The following IGBP1C variants were observed in gnomAD, a reference collection of about 807,000 sequenced individuals.
IGBP1C encodes the protein IGBP1 family member C.
the IGBP1C span, among the ~76,000 whole-genome samples, chr17:58,690,041 G>A: frequency 6.6e-6 from 1 of 151,852 alleles, no homozygotes; most frequent in Non-Finnish European, 1.5e-5. Context: ...AGTAGAGACG[G>A]GGTTTCATCA....
chr17:58,662,083 T>A, the IGBP1C span, among the ~76,000 whole-genome samples: 1 of 151,832 alleles, frequency 6.6e-6, no homozygotes, highest in Non-Finnish European at 1.5e-5. Flanking sequence ...TGTCTATATC[T>A]GTGTATGTAT....
At chr17:58,679,414 G>A in the IGBP1C span, 1 of 149,864 alleles carries the variant, frequency 6.7e-6, no homozygotes, top group South Asian at 2.1e-4. Flanking sequence ...AGAAAAAAAT[G>A]ACCATTAGAA....
the IGBP1C span, among the ~76,000 whole-genome samples, chr17:58,666,251 G>A: frequency 3.3e-5 from 5 of 151,778 alleles, no homozygotes; most frequent in African/African-American, 1.2e-4. Flanking sequence ...GGGAAGCTGA[G>A]ACACGAGAAT....
At chr17:58,670,279 G>A in the IGBP1C span, among the ~76,000 whole-genome samples, 2 of 152,132 alleles carry the variant, frequency 1.3e-5, no homozygotes, top group Non-Finnish European at 2.9e-5. Context: ...TGTCACTGCT[G>A]GAGTCTCAGG....
the IGBP1C span, among the ~76,000 whole-genome samples, chr17:58,680,366 C>A: frequency 6.6e-6 from 1 of 152,174 alleles, no homozygotes; most frequent in African/African-American, 2.4e-5. Context: ...GTCATGCTTA[C>A]ATACAAAATG....
At chr17:58,668,977 G>A in the IGBP1C span, among the ~76,000 whole-genome samples, 1 of 152,138 alleles carries the variant, frequency 6.6e-6, no homozygotes, top group Non-Finnish European at 1.5e-5. Context: ...CACTGTTCTA[G>A]GTAGGCATAA....
chr17:58,682,102 C>G, the IGBP1C span, among the ~76,000 whole-genome samples: 1 of 151,948 alleles, frequency 6.6e-6, no homozygotes, highest in Non-Finnish European at 1.5e-5. Flanking sequence ...GCACACACTA[C>G]CATGTCTGGC....
At chr17:58,677,039 A>T in the IGBP1C span, among the ~76,000 whole-genome samples, 1 of 150,658 alleles carries the variant, frequency 6.6e-6, no homozygotes, top group Non-Finnish European at 1.5e-5. Context: ...GAATCGCTTG[A>T]ACTCAGGAGG....
chr17:58,674,444 C>T, the IGBP1C span, among the ~76,000 whole-genome samples: 2 of 151,994 alleles, frequency 1.3e-5, no homozygotes, highest in African/African-American at 4.8e-5. Flanking sequence ...CCAAGGTGGA[C>T]AGATCACTTG....
the IGBP1C span, among the ~76,000 whole-genome samples, chr17:58,685,098 T>C: frequency 6.6e-6 from 1 of 152,168 alleles, no homozygotes; most frequent in African/African-American, 2.4e-5. Context: ...TATAATTTTG[T>C]ATAGACCTTC....
the IGBP1C span, among the ~76,000 whole-genome samples, chr17:58,679,971 A>G: frequency 6.6e-6 from 1 of 152,156 alleles, no homozygotes; most frequent in Admixed American, 6.6e-5. Flanking sequence ...GCTTGGTGAC[A>G]CGACTGAAAT....
chr17:58,669,536 C>A, the IGBP1C span, among the ~76,000 whole-genome samples: 1 of 151,656 alleles, frequency 6.6e-6, no homozygotes, highest in Non-Finnish European at 1.5e-5. Context: ...GAGTTCGAAA[C>A]CAGCCTGACC....
At chr17:58,686,498 C>A in the IGBP1C span, among the ~76,000 whole-genome samples, 1 of 152,044 alleles carries the variant, frequency 6.6e-6, no homozygotes, top group African/African-American at 2.4e-5. Flanking sequence ...TGCATCTGGA[C>A]GGCAGAGGGT....
chr17:58,670,649 T>A, the IGBP1C span, among the ~76,000 whole-genome samples: 11 of 151,536 alleles, frequency 7.3e-5, no homozygotes, highest in Non-Finnish European at 1.5e-4. Context: ...GGCAGGCACC[T>A]GTAATCCCAG....
At chr17:58,668,542 T>C in the IGBP1C span, among the ~76,000 whole-genome samples, 1 of 152,170 alleles carries the variant, frequency 6.6e-6, no homozygotes, top group Admixed American at 6.5e-5. Flanking sequence ...TTCACACACC[T>C]TAACTCATTT....
the IGBP1C span, chr17:58,660,782 T>C: frequency 1.3e-6 from 1 of 781,340 alleles, no homozygotes; most frequent in East Asian, 2.4e-5. Context: ...ATGTTGATCA[T>C]ACCAGTCACT....
At chr17:58,687,532 C>T in the IGBP1C span, among the ~76,000 whole-genome samples, 1 of 152,042 alleles carries the variant, frequency 6.6e-6, no homozygotes, top group African/African-American at 2.4e-5. Flanking sequence ...GACAGGGTTT[C>T]ACCATGTTGG....
the IGBP1C span, among the ~76,000 whole-genome samples, chr17:58,677,202 G>A: frequency 6.6e-6 from 1 of 151,954 alleles, no homozygotes; most frequent in Admixed American, 6.6e-5. Context: ...CAGAAGGACT[G>A]AGTCCAGGAG....
the IGBP1C span, among the ~76,000 whole-genome samples, chr17:58,677,365 C>T: frequency 2.0e-5 from 3 of 152,188 alleles, no homozygotes; most frequent in Non-Finnish European, 4.4e-5. Context: ...ATATGTGGTA[C>T]TCATTGTGTA....
Sources: allele counts gnomAD v4.1 joint callset (sites outside exome capture counted in the v4.1 genomes callset), GRCh38; gene constraint gnomAD v4.1.1; transcripts MANE v1.5; gene names NCBI Gene and HGNC (gene_info 2026-07-23, HGNC 2026-07-21).